The following TRAPPC9 variants were observed in gnomAD, a reference collection of about 807,000 sequenced individuals.
TRAPPC9 encodes IKK2 binding protein.
TRAPPC9 carries 83 observed loss-of-function variants against 124.0 expected under a neutral mutation model. The observed-to-expected ratio is 0.67, with a 90% CI of 0.56 to 0.80. TRAPPC9 has a LOEUF of 0.80. Among genes scored for constraint, TRAPPC9 ranks in the 30% least tolerant of loss-of-function variants. The pLI, the probability that TRAPPC9 is intolerant of heterozygous loss-of-function variation, is 0.00. For missense variants in TRAPPC9, 1,302 were observed against 1,508.3 expected (o/e 0.86, Z 2.27); for synonymous variants, 638 against 617.5 (o/e 1.03, Z -0.49).
chr8:140,292,174 C>T, intron 11 of TRAPPC9, among the ~76,000 whole-genome samples: 1 of 152,212 alleles, frequency 6.6e-6, no homozygotes, highest in Non-Finnish European at 1.5e-5. Flanking sequence ...TTAGGCAAAC[C>T]AGAAGGAATT....
At chr8:140,186,691 T>A (rs918713524) in intron 17 of TRAPPC9, among the ~76,000 whole-genome samples, 3 of 152,240 alleles carry the variant, frequency 2.0e-5, no homozygotes, top group Non-Finnish European at 4.4e-5. Context: ...GGTTTCTGCA[T>A]CTCTTCATTA....
rs556671666 is a variant in TRAPPC9 at position 139,776,236 on chromosome 8, G to C, written c.3056-44034C>G. On this transcript the variant is annotated intron_variant, in intron 21 of 22. Transcript: ENST00000438773. The surrounding 1 kb of genome is among the most constrained non-coding windows in gnomAD (Gnocchi z 4.1). ...GCAGGCCTCCTGCACAGGGACGCCA[G>C]GCTGCAGCCTCCCAGTCAGATGACT... is the stretch of plus-strand genomic sequence containing the variant. 6.6e-6 allele frequency among the ~76,000 whole-genome samples: 1 copy of C among 152,302 alleles called. No individual in the cohort carries two copies. Among genetic ancestry groups the C allele is most frequent in the South Asian group, 2.1e-4 (1 of 4,826 alleles).
chr8:140,091,404 G>A (rs1423980608), intron 17 of TRAPPC9, among the ~76,000 whole-genome samples: 3 of 152,152 alleles, frequency 2.0e-5, no homozygotes, highest in African/African-American at 4.8e-5. Flanking sequence ...TAATAGGAGG[G>A]GTCTCCGTTT....
chr8:140,133,769 T>A (rs1308224753), intron 17 of TRAPPC9, among the ~76,000 whole-genome samples: 1 of 151,916 alleles, frequency 6.6e-6, no homozygotes, highest in Non-Finnish European at 1.5e-5. Flanking sequence ...CAATGAATAA[T>A]CTGAAAAGAA....
chr8:140,052,040 G>A (rs1172544548), intron 17 of TRAPPC9, among the ~76,000 whole-genome samples: 2 of 152,174 alleles, frequency 1.3e-5, no homozygotes, highest in African/African-American at 4.8e-5. Context: ...GAAAGATGGA[G>A]CATCAGGGGC....
At chr8:140,298,088 AC>A (rs2065864144) in intron 11 of TRAPPC9, among the ~76,000 whole-genome samples, 1 of 152,224 alleles carries the variant, frequency 6.6e-6, no homozygotes, top group Non-Finnish European at 1.5e-5. Flanking sequence ...TCCCAAAAAT[AC>A]TGGAAAAACT....
rs4736101 is a variant in TRAPPC9 at position 139,825,949 on chromosome 8, A to C, written c.3055+59930T>G. The stretch of plus-strand genomic sequence containing the variant: ...GCATCGGATATAACCCGCCCGTGGA[A>C]CAGGCCATGATGAGGATGTGCAACA... On this transcript the variant is annotated intron_variant, in intron 21 of 22. Transcript: ENST00000438773. This position sits in a 1 kb window ranked among gnomAD's most constrained non-coding sequence, Gnocchi z 4.6. 1 allele frequency among the ~76,000 whole-genome samples: 151,634 copies of C among 152,304 alleles called. 75,485 individuals carry two copies. Among genetic ancestry groups the C allele is most frequent in the Middle Eastern group, 1 (294 of 294 alleles).
In TRAPPC9 at chr8:140,424,162, A is replaced by T. The variant is rs192986145; in HGVS notation, c.886+2453T>A. Among the ~76,000 whole-genome samples the T allele has an allele frequency of 7.5e-4, 114 of 151,536 alleles. No individual in the cohort carries two copies. In the East Asian group the frequency reaches 0.012, roughly 16 times the overall value. Reference sequence around the variant, plus strand: ...TGTTTGTTTGTTTGTTTGTTTTTTTAAAAAAAAGCACCTTAGAACAGTGTC... The same window carrying T: ...TGTTTGTTTGTTTGTTTGTTTTTTTTAAAAAAAGCACCTTAGAACAGTGTC... On this transcript the variant is annotated intron_variant, in intron 5 of 22. Transcript: ENST00000438773.
intron 15 of TRAPPC9, among the ~76,000 whole-genome samples, chr8:140,272,037 G>T (rs570872893): frequency 6.7e-6 from 1 of 149,578 alleles, no homozygotes; most frequent in Non-Finnish European, 1.5e-5. Flanking sequence ...AGTGGTAATG[G>T]TGGTGGTTGT....
intron 21 of TRAPPC9, among the ~76,000 whole-genome samples, chr8:139,835,906 T>C (rs1367202116): frequency 1.3e-5 from 2 of 152,230 alleles, no homozygotes; most frequent in Admixed American, 1.3e-4. Context: ...TGCCAGCTGT[T>C]TGGACAGGTT....
intron 17 of TRAPPC9, among the ~76,000 whole-genome samples, chr8:140,071,347 T>G (rs75512990): frequency 6.6e-6 from 1 of 152,220 alleles, no homozygotes; most frequent in Non-Finnish European, 1.5e-5. Flanking sequence ...GCTCAGTCCC[T>G]GGCCCTAAAA....
intron 21 of TRAPPC9, among the ~76,000 whole-genome samples, chr8:139,753,740 C>T (rs1224169545): frequency 2.0e-5 from 3 of 152,216 alleles, no homozygotes; most frequent in East Asian, 3.9e-4. Flanking sequence ...ACCCATTCTA[C>T]AAGTCCCGGA....
chr8:140,215,143 G>A (rs1357584095), intron 17 of TRAPPC9, among the ~76,000 whole-genome samples: 3 of 152,058 alleles, frequency 2.0e-5, no homozygotes, highest in Non-Finnish European at 2.9e-5. Context: ...AGAAAATGCC[G>A]CATGATTGCA....
intron 17 of TRAPPC9, among the ~76,000 whole-genome samples, chr8:140,193,405 T>C (rs12678870): frequency 0.4 from 60,113 of 151,950 alleles, 12,798 homozygotes; most frequent in South Asian, 0.53. Flanking sequence ...AGAAGCTTCA[T>C]GTTGTAGGCA....
At chr8:140,186,692 C>A (rs1305107102) in intron 17 of TRAPPC9, among the ~76,000 whole-genome samples, 5 of 152,194 alleles carry the variant, frequency 3.3e-5, no homozygotes, top group African/African-American at 9.7e-5. Context: ...GTTTCTGCAT[C>A]TCTTCATTAC....
At chr8:140,166,027 G>A (rs1563811556) in intron 17 of TRAPPC9, among the ~76,000 whole-genome samples, 1 of 152,156 alleles carries the variant, frequency 6.6e-6, no homozygotes, top group Non-Finnish European at 1.5e-5. Context: ...AACTCCTCCA[G>A]GAGCCCCGCC....
At chr8:140,273,336 C>T (rs1391367029) in intron 15 of TRAPPC9, among the ~76,000 whole-genome samples, 1 of 152,218 alleles carries the variant, frequency 6.6e-6, no homozygotes, top group Non-Finnish European at 1.5e-5. Context: ...TTGTTCATAG[C>T]GATTCTTTCT....
chr8:140,101,957 A>G (rs1432613644), intron 17 of TRAPPC9, among the ~76,000 whole-genome samples: 1 of 151,746 alleles, frequency 6.6e-6, no homozygotes, highest in African/African-American at 2.4e-5. Flanking sequence ...GTTCTGGTAT[A>G]TCAATATTTC....
intron 17 of TRAPPC9, 135 bp from the exon 18 acceptor site, chr8:140,024,214 A>C (rs1383327838): frequency 3.0e-5 from 34 of 1,142,234 alleles, no homozygotes; most frequent in Non-Finnish European, 3.8e-5. Flanking sequence ...GCATTGGCCG[A>C]CTCACAACCC....
Sources: gnomAD v4.1 joint callset for allele counts (sites outside exome capture counted in the v4.1 genomes callset) on GRCh38, gnomAD v4.1.1 for gene constraint, Gnocchi (gnomAD v3.1) non-coding constraint, MANE v1.5 for transcripts, NCBI Gene and HGNC (gene_info 2026-07-23, HGNC 2026-07-21) for gene names.